The following IL23R variants were observed in gnomAD, a reference collection of about 807,000 sequenced individuals.
IL23R encodes interleukin 23 receptor.
A neutral mutation model predicts 56.9 loss-of-function variants in IL23R; 34 were observed. The observed-to-expected ratio is 0.60, with a 90% confidence interval of 0.45 to 0.80. The LOEUF (loss-of-function observed/expected upper bound fraction) is 0.80. IL23R is among the 30% of genes least tolerant of loss of function. The pLI is 0.00. For missense variants in IL23R, 635 were observed against 730.0 expected, an observed-to-expected ratio of 0.87 and a Z score of 1.50; for synonymous variants, 230 against 249.2, an observed-to-expected ratio of 0.92 and a Z score of 0.73.
chr1:67,225,380 A>G (rs1650544314), intron 7 of IL23R, among the ~76,000 whole-genome samples: 2 of 152,172 alleles, frequency 1.3e-5, no homozygotes, highest in South Asian at 4.1e-4. Context: ...AAGGATAGGT[A>G]AAAAAGGCAG....
intron 7 of IL23R, among the ~76,000 whole-genome samples, chr1:67,221,492 C>T (rs1421189278): frequency 1.3e-5 from 2 of 152,176 alleles, no homozygotes; most frequent in African/African-American, 4.8e-5. Context: ...TATTTTCCTG[C>T]TTCTAATATT....
At chr1:67,193,062 A>C (rs1647867550) in intron 4 of IL23R, among the ~76,000 whole-genome samples, 1 of 152,128 alleles carries the variant, frequency 6.6e-6, no homozygotes, top group African/African-American at 2.4e-5. Context: ...CTTTCCTAGT[A>C]AAACCTCACT....
chr1:67,186,867 T>C (rs974336505), intron 4 of IL23R, among the ~76,000 whole-genome samples: 1 of 152,168 alleles, frequency 6.6e-6, no homozygotes, highest in Non-Finnish European at 1.5e-5. Flanking sequence ...GCAACCCTCC[T>C]GCCTTGGCCT....
chr1:67,258,422 C>G (rs1653068261), intron 10 of IL23R, 56 bp from the exon 11 acceptor site: 2 of 1,339,022 alleles, frequency 1.5e-6, no homozygotes, highest in East Asian at 2.3e-5. Flanking sequence ...ATTCAATTAT[C>G]CAGTTGGTTC....
intron 1 of IL23R, among the ~76,000 whole-genome samples, chr1:67,150,307 G>A (rs1458719423): frequency 7.3e-6 from 1 of 137,354 alleles, no homozygotes; most frequent in African/African-American, 2.7e-5. Flanking sequence ...AGGATGTGCA[G>A]GTTCATTACA....
chr1:67,179,679 C>A (rs10010128), intron 3 of IL23R, among the ~76,000 whole-genome samples: 5 of 152,224 alleles, frequency 3.3e-5, no homozygotes, highest in African/African-American at 1.2e-4. Context: ...TGTGTTTGAT[C>A]TTGCTTCTCC....
intron 7 of IL23R, among the ~76,000 whole-genome samples, chr1:67,233,512 T>C (rs542247826): frequency 1.3e-5 from 2 of 152,314 alleles, no homozygotes; most frequent in African/African-American, 4.8e-5. Context: ...CCAGGTCCTT[T>C]TGAGTGGATT....
At chr1:67,205,215 C>A (rs1648918856) in intron 5 of IL23R, among the ~76,000 whole-genome samples, 1 of 151,972 alleles carries the variant, frequency 6.6e-6, no homozygotes, top group Non-Finnish European at 1.5e-5. Context: ...CAGGTGTAGC[C>A]CCCAAAATTT....
At chr1:67,160,801 C>T (rs560957456) in intron 1 of IL23R, among the ~76,000 whole-genome samples, 2 of 152,150 alleles carry the variant, frequency 1.3e-5, no homozygotes, top group African/African-American at 4.8e-5. Context: ...CCTGCCTCAG[C>T]CTCCTGAGAA....
upstream of IL23R, chr1:67,166,394 G>A (rs184181478): frequency 3.9e-5 from 6 of 152,436 alleles, no homozygotes; most frequent in East Asian, 1.1e-3. Flanking sequence ...TGTAGGTCAG[G>A]GCTCTGCTGA....
intron 4 of IL23R, among the ~76,000 whole-genome samples, chr1:67,197,086 A>G (rs1244665874): frequency 6.6e-6 from 1 of 152,216 alleles, no homozygotes. Flanking sequence ...GGCAAACACC[A>G]GGGCTGACCT....
At chr1:67,191,140 T>C (rs1417423816) in intron 4 of IL23R, among the ~76,000 whole-genome samples, 1 of 152,170 alleles carries the variant, frequency 6.6e-6, no homozygotes, top group East Asian at 1.9e-4. Flanking sequence ...AGCCACACAG[T>C]AATCCTACTA....
intron 7 of IL23R, among the ~76,000 whole-genome samples, chr1:67,229,699 C>T (rs1441317745): frequency 6.6e-6 from 1 of 152,174 alleles, no homozygotes; most frequent in Non-Finnish European, 1.5e-5. Flanking sequence ...CCACTTTGGG[C>T]ATTCTAAGGA....
chr1:67,218,268 AC>A (rs1649982650), intron 6 of IL23R, among the ~76,000 whole-genome samples: 1 of 52,434 alleles, frequency 1.9e-5, no homozygotes, highest in African/African-American at 1.4e-4. Context: ...TCTGACACAT[AC>A]ACATATATAT....
At chr1:67,176,180 T>C (rs186730977) in intron 3 of IL23R, among the ~76,000 whole-genome samples, 4 of 152,228 alleles carry the variant, frequency 2.6e-5, no homozygotes, top group African/African-American at 9.6e-5. Flanking sequence ...TTTAAATGCA[T>C]ATGGGAAATG....
chr1:67,217,492 G>A (rs994625420), intron 6 of IL23R, among the ~76,000 whole-genome samples: 20 of 151,970 alleles, frequency 1.3e-4, no homozygotes, highest in African/African-American at 4.6e-4. Context: ...TAAATGTAAT[G>A]GCAGCAAACA....
chr1:67,218,065 CT>C (rs990185015), intron 6 of IL23R, among the ~76,000 whole-genome samples: 2 of 151,948 alleles, frequency 1.3e-5, no homozygotes, highest in Non-Finnish European at 2.9e-5. Context: ...CTAGAACATA[CT>C]GAAGATGCTG....
chr1:67,190,899 T>G (rs1277265475), intron 4 of IL23R, among the ~76,000 whole-genome samples: 1 of 152,234 alleles, frequency 6.6e-6, no homozygotes, highest in African/African-American at 2.4e-5. Context: ...CTTCTCTACA[T>G]GCATATTTTT....
intron 9 of IL23R, among the ~76,000 whole-genome samples, chr1:67,252,389 G>T (rs114545109): frequency 0.013 from 2,006 of 152,210 alleles, 49 homozygotes; most frequent in African/African-American, 0.046. Flanking sequence ...CCTCTAATTG[G>T]ATCCTAGCCT....
Sources: gnomAD v4.1 joint callset for allele counts (sites outside exome capture counted in the v4.1 genomes callset) on GRCh38, gnomAD v4.1.1 for gene constraint, MANE v1.5 for transcripts, NCBI Gene and HGNC (gene_info 2026-07-23, HGNC 2026-07-21) for gene names.